B4GALT6: variants seen among roughly 807,000 people sequenced by gnomAD.
The protein encoded by B4GALT6 is UDP-Gal:beta-GlcNAc beta-1,4-galactosyltransferase 6.
A neutral mutation model predicts 46.3 loss-of-function variants in B4GALT6; 14 were observed. The ratio of observed to expected loss-of-function variants is 0.30; its 90% CI spans 0.20 to 0.47. B4GALT6 has a LOEUF of 0.47. Ranked by LOEUF, B4GALT6 falls within the 20% of genes least tolerant of loss-of-function variation. B4GALT6 has a pLI of 0.99. For missense variants in B4GALT6, 386 were observed against 480.1 expected (o/e 0.80, Z 1.83); for synonymous variants, 168 against 162.0 (o/e 1.04, Z -0.28).
At chr18:31,681,742 A>T (rs1374875841) in intron 1 of B4GALT6, among the ~76,000 whole-genome samples, 1 of 152,238 alleles carries the variant, frequency 6.6e-6, no homozygotes, top group Non-Finnish European at 1.5e-5. Context: ...CTCAGGACAG[A>T]AAACAAGTAG....
chr18:31,668,999 G>C lies in B4GALT6; in HGVS notation c.116-2627C>G, dbSNP rs374813731. On this transcript the variant is annotated intron_variant, in intron 1 of 8. Transcript: ENST00000306851. ...CCACTGCACTCTAGCCTGGGTGACA[G>C]AGTGAGACCCTGTGTCAAAAAAAAA... is the stretch of plus-strand genomic sequence containing the variant. Among the ~76,000 whole-genome samples, 58 of 150,282 alleles carry C rather than the reference G, an allele frequency of 3.9e-4. No individual in the cohort carries two copies. The East Asian group carries it at 0.01, about 26-fold the overall frequency.
chr18:31,651,643 G>T (rs913363372), intron 3 of B4GALT6, among the ~76,000 whole-genome samples: 1 of 152,092 alleles, frequency 6.6e-6, no homozygotes, highest in Admixed American at 6.5e-5. Flanking sequence ...TTCCTCAGGG[G>T]AGGAGGCATT....
intron 3 of B4GALT6, among the ~76,000 whole-genome samples, chr18:31,652,617 C>T (rs1369610829): frequency 2.6e-5 from 4 of 152,174 alleles, no homozygotes; most frequent in Non-Finnish European, 4.4e-5. Context: ...TCAAACAAAA[C>T]GGCCCAAACG....
rs778061781 is a variant in B4GALT6, at chr18:31,684,338, T to C, written c.89A>G (p.Tyr30Cys). Residue 30 changes from tyrosine (Y) to cysteine (C), a missense_variant, in exon 1 of 9, where the codon TAC becomes TGC. By Grantham distance (194) the Tyr-to-Cys change is radical. Transcript: ENST00000306851. The stretch of plus-strand genomic sequence containing the variant: ...GATGCCTGGGGCCACATAGATGAAG[T>C]ACAGACAGGACGAAGAGAGGGAGAA... ...FFFSLSSSCLYFIYVAPGIAN... is the reference protein window; with the variant it reads ...FFFSLSSSCLCFIYVAPGIAN... 1.2e-6 allele frequency: 2 copies of C among 1,611,642 alleles called. No individual in the cohort carries two copies. The highest frequency in any genetic ancestry group is 1.7e-5 in the Admixed American group (1 of 59,826).
At chr18:31,697,068 A>T in the B4GALT6 span, among the ~76,000 whole-genome samples, 1 of 152,156 alleles carries the variant, frequency 6.6e-6, no homozygotes, top group African/African-American at 2.4e-5. Flanking sequence ...GCCAGGAGTT[A>T]GAGACCATCC....
rs2073635671 is a variant in B4GALT6 at position 31,622,891 on chromosome 18, T to TA, written c.*2722dup. Reference sequence around the variant, plus strand: ...GCCCATTAGTCATTACTTCTTTCTGTAGTTGAAAAGCACCATGTAATTTTC... The same window carrying TA: ...GCCCATTAGTCATTACTTCTTTCTGTAAGTTGAAAAGCACCATGTAATTTTC... On this transcript the variant is annotated 3_prime_UTR_variant, in exon 9 of 9. Transcript: ENST00000306851. 6.6e-6 allele frequency: 1 copy of TA among 152,086 alleles called. No homozygotes were observed. The highest frequency in any genetic ancestry group is 2.4e-5 in the African/African-American group (1 of 41,448). 9.4% of individuals were successfully genotyped at this position (152,086 alleles called of 1,614,324 possible). A position where few individuals can be genotyped will look rare whatever the true frequency, so the allele number is the denominator to read the frequency against.
chr18:31,694,593 ACGAAAAGTG>A, the B4GALT6 span, among the ~76,000 whole-genome samples: 1 of 152,220 alleles, frequency 6.6e-6, no homozygotes, highest in African/African-American at 2.4e-5. Context: ...GCTATAAAGA[ACGAAAAGTG>A]CCTGTAGGAC....
At chr18:31,658,114 A>T in intron 2 of B4GALT6, 25 bp from the exon 3 acceptor site, 1 of 105,604 alleles carries the variant, frequency 9.5e-6, no homozygotes, top group Non-Finnish European at 1.5e-5. Flanking sequence ...AAAGAGTTAC[A>T]AAAAAAAAAA....
At chr18:31,706,072 G>A in the B4GALT6 span, among the ~76,000 whole-genome samples, 18 of 152,204 alleles carry the variant, frequency 1.2e-4, no homozygotes, top group East Asian at 2.7e-3. Flanking sequence ...GAGATAACAT[G>A]CCTAGAACAT....
At chr18:31,724,302 C>A in the B4GALT6 span, 1 of 495,622 alleles carries the variant, frequency 2.0e-6, no homozygotes. Flanking sequence ...GGCCCCTCCT[C>A]ACATGGCAAC....
chr18:31,693,164 G>C, the B4GALT6 span, among the ~76,000 whole-genome samples: 1 of 152,170 alleles, frequency 6.6e-6, no homozygotes, highest in Admixed American at 6.5e-5. Flanking sequence ...GGAAGTCAAT[G>C]CATATAAAAA....
chr18:31,657,972 T>C lies in B4GALT6; in HGVS notation c.346+4A>G, dbSNP rs1450256038. ...AGTTAAGTCAAAATTAGATGACGAC[T>C]TACGCATATAAGGCAGCTTTTCTGG... On this transcript the variant is annotated splice_donor_region_variant and intron_variant, in intron 3 of 8. Coordinates refer to ENST00000306851, the MANE Select transcript of B4GALT6 (RefSeq NM_004775.5). The C allele has an allele frequency of 1.9e-6, 3 of 1,602,136 alleles. No homozygotes were observed. Among genetic ancestry groups the C allele is most frequent in the Non-Finnish European group, 2.6e-6 (3 of 1,170,342 alleles).
At chr18:31,719,388 G>A in the B4GALT6 span, among the ~76,000 whole-genome samples, 27 of 152,262 alleles carry the variant, frequency 1.8e-4, no homozygotes, top group African/African-American at 1.7e-4. Flanking sequence ...CCAAATTCCC[G>A]GAGGGGAAAA....
intron 1 of B4GALT6, among the ~76,000 whole-genome samples, chr18:31,671,415 CCTGA>C (rs1417631219): frequency 1.3e-5 from 2 of 152,148 alleles, no homozygotes; most frequent in African/African-American, 2.4e-5. Context: ...TCTGTTGTTT[CCTGA>C]CTTTTTAATG....
intron 8 of B4GALT6, 27 bp from the exon 9 acceptor site, chr18:31,625,788 A>G: frequency 1.3e-6 from 2 of 1,551,366 alleles, no homozygotes; most frequent in Non-Finnish European, 1.7e-6. Context: ...AAAAACAAAA[A>G]AGCAACAAAA....
At chr18:31,721,207 G>T in the B4GALT6 span, among the ~76,000 whole-genome samples, 3 of 151,938 alleles carry the variant, frequency 2.0e-5, no homozygotes, top group Admixed American at 6.6e-5. Flanking sequence ...GCTGGGTGGG[G>T]GATAGCATTA....
chr18:31,651,021 C>T (rs2074059618), intron 3 of B4GALT6, among the ~76,000 whole-genome samples: 1 of 152,180 alleles, frequency 6.6e-6, no homozygotes, highest in South Asian at 2.1e-4. Flanking sequence ...CCACCTCGGC[C>T]TCCCAAAGTG....
At chr18:31,642,015 C>T (rs1358885760) in intron 4 of B4GALT6, among the ~76,000 whole-genome samples, 1 of 152,074 alleles carries the variant, frequency 6.6e-6, no homozygotes, top group Non-Finnish European at 1.5e-5. Context: ...AGCTAGTAAG[C>T]CCTCATTCTC....
intron 3 of B4GALT6, among the ~76,000 whole-genome samples, chr18:31,650,826 T>G (rs1197207832): frequency 1.3e-5 from 2 of 152,148 alleles, no homozygotes. Context: ...TGGAGTGCAG[T>G]GGCGCCATCT....
Sources: allele counts gnomAD v4.1 joint callset (sites outside exome capture counted in the v4.1 genomes callset), GRCh38; gene constraint gnomAD v4.1.1; transcripts MANE v1.5; gene names NCBI Gene and HGNC (gene_info 2026-07-23, HGNC 2026-07-21).